Variants in DOCK8 observed in about 807,000 individuals in gnomAD.
DOCK8 encodes the protein dedicator of cytokinesis protein 8.
A neutral mutation model predicts 245.6 loss-of-function variants in DOCK8; 141 were observed. The ratio of observed to expected loss-of-function variants is 0.57; its 90% CI spans 0.50 to 0.66. The LOEUF is 0.66. Ranked by LOEUF, DOCK8 falls within the 30% of genes least tolerant of loss-of-function variation. The probability of loss-of-function intolerance (pLI) is 0.00; values close to 1 mark genes in which losing one functional copy is unlikely to be tolerated. For missense variants in DOCK8, 2,965 were observed against 2,603.4 expected, an observed-to-expected ratio of 1.14 and a Z score of -3.02; for synonymous variants, 1,168 against 970.2, an observed-to-expected ratio of 1.20 and a Z score of -3.79.
At chr9:374,585 C>T (rs1163928764) in intron 18 of DOCK8, among the ~76,000 whole-genome samples, 1 of 150,288 alleles carries the variant, frequency 6.7e-6, no homozygotes, top group African/African-American at 2.5e-5. Flanking sequence ...CCTCGGCCTC[C>T]TTAGTAGCTG....
intron 37 of DOCK8, among the ~76,000 whole-genome samples, chr9:432,851 T>G (rs1470005610): frequency 2.0e-5 from 3 of 152,174 alleles, no homozygotes; most frequent in Non-Finnish European, 2.9e-5. Context: ...TGAGAGAGCT[T>G]GTAAACAAGG....
chr9:247,671 A>C (rs811993), intron 1 of DOCK8, among the ~76,000 whole-genome samples: 23,702 of 151,826 alleles, frequency 0.16, 2,279 homozygotes, highest in East Asian at 0.35. Flanking sequence ...GTAGCTGGGA[A>C]TACAGGCACC....
At chr9:445,286 T>C (rs10974490) in intron 43 of DOCK8, among the ~76,000 whole-genome samples, 14,868 of 152,244 alleles carry the variant, frequency 0.098, 1,015 homozygotes, top group African/African-American at 0.19. Flanking sequence ...GAGTTTGGAA[T>C]GAGAGTCTGA....
chr9:239,336 A>C (rs2047330881), intron 1 of DOCK8, among the ~76,000 whole-genome samples: 1 of 152,224 alleles, frequency 6.6e-6, no homozygotes, highest in Non-Finnish European at 1.5e-5. Flanking sequence ...GGGTACTGAA[A>C]GATATGGTAG....
chr9:412,489 G>C (rs904472251), intron 28 of DOCK8, among the ~76,000 whole-genome samples: 2 of 151,568 alleles, frequency 1.3e-5, no homozygotes, highest in African/African-American at 4.8e-5. Context: ...ATTCATAGGT[G>C]GCATAATCTT....
chr9:268,960 G>C (rs1431437533), intron 1 of DOCK8, among the ~76,000 whole-genome samples: 18 of 152,170 alleles, frequency 1.2e-4, no homozygotes, highest in Admixed American at 1.2e-3. Context: ...CAAGCACTTG[G>C]AGACAAAATC....
At chr9:226,751 T>G (rs996322383) in intron 1 of DOCK8, among the ~76,000 whole-genome samples, 1 of 152,178 alleles carries the variant, frequency 6.6e-6, no homozygotes, top group Non-Finnish European at 1.5e-5. Context: ...ATATGGAGTC[T>G]AAGATGCATG....
intron 1 of DOCK8, among the ~76,000 whole-genome samples, chr9:238,066 G>C (rs551408307): frequency 2.0e-5 from 3 of 152,100 alleles, no homozygotes; most frequent in Non-Finnish European, 4.4e-5. Flanking sequence ...CTTTGCATTT[G>C]TTGACTCCTC....
intron 7 of DOCK8, among the ~76,000 whole-genome samples, chr9:323,144 A>T (rs1229091757): frequency 6.6e-6 from 1 of 151,528 alleles, no homozygotes; most frequent in Non-Finnish European, 1.5e-5. Flanking sequence ...ACCTAATAAT[A>T]GAAAGAATAA....
At chr9:413,432 T>A (rs1205857889) in intron 28 of DOCK8, among the ~76,000 whole-genome samples, 2 of 152,126 alleles carry the variant, frequency 1.3e-5, no homozygotes, top group African/African-American at 4.8e-5. Flanking sequence ...TTAAAACTTT[T>A]GTGATTTATA....
intron 14 of DOCK8, among the ~76,000 whole-genome samples, chr9:354,547 C>T (rs770364033): frequency 2.0e-4 from 31 of 152,180 alleles, no homozygotes; most frequent in Non-Finnish European, 3.8e-4. Context: ...ATGTAGGTTA[C>T]GCAGGTGCAG....
chr9:370,960 G>A (rs1051931182), intron 16 of DOCK8, among the ~76,000 whole-genome samples: 7 of 152,166 alleles, frequency 4.6e-5, no homozygotes, highest in African/African-American at 7.2e-5. Flanking sequence ...AATGTACTTC[G>A]TAATTAATGA....
At chr9:443,871 T>C (rs1160692913) in intron 43 of DOCK8, among the ~76,000 whole-genome samples, 3 of 152,268 alleles carry the variant, frequency 2.0e-5, no homozygotes, top group African/African-American at 7.2e-5. Flanking sequence ...AGTTTCAAGG[T>C]CATGCAAGCA....
intron 12 of DOCK8, among the ~76,000 whole-genome samples, chr9:337,663 TA>T (rs969326877): frequency 3.3e-5 from 5 of 151,878 alleles, no homozygotes; most frequent in African/African-American, 1.2e-4. Context: ...TTTAAAAAAA[TA>T]AAAAACTTCC....
chr9:289,686 T>C, intron 4 of DOCK8, 105 bp downstream of exon 4: 1 of 1,037,184 alleles, frequency 9.6e-7, no homozygotes, highest in African/African-American at 1.6e-5. Flanking sequence ...ACAGAAAAAT[T>C]GCATGGCAAA....
At chr9:315,250 G>A (rs1433915490) in intron 6 of DOCK8, among the ~76,000 whole-genome samples, 4 of 152,104 alleles carry the variant, frequency 2.6e-5, no homozygotes, top group South Asian at 2.1e-4. Flanking sequence ...CTTTCATTCC[G>A]TTCATTTATA....
chr9:269,501 A>C (rs1210480914), intron 1 of DOCK8, among the ~76,000 whole-genome samples: 4 of 151,008 alleles, frequency 2.6e-5, no homozygotes, highest in African/African-American at 9.7e-5. Flanking sequence ...CTTTATGAAT[A>C]AGGCTGCTAC....
chr9:246,647 C>T (rs938633362), intron 1 of DOCK8, among the ~76,000 whole-genome samples: 1 of 152,070 alleles, frequency 6.6e-6, no homozygotes, highest in Non-Finnish European at 1.5e-5. Flanking sequence ...AGGACAAAGA[C>T]ATGTTTGAAA....
chr9:254,083 A>T (rs2047714219), intron 1 of DOCK8, among the ~76,000 whole-genome samples: 1 of 152,202 alleles, frequency 6.6e-6, no homozygotes, highest in African/African-American at 2.4e-5. Flanking sequence ...GGAACTGCAT[A>T]GGAGAACAGT....
Sources: allele counts gnomAD v4.1 joint callset (sites outside exome capture counted in the v4.1 genomes callset), GRCh38; gene constraint gnomAD v4.1.1; transcripts MANE v1.5; gene names NCBI Gene and HGNC (gene_info 2026-07-23, HGNC 2026-07-21).